FKBP6: variants seen among roughly 807,000 people sequenced by gnomAD.
FKBP6 encodes the protein FKBP prolyl isomerase family member 6 (inactive), also known as inactive peptidyl-prolyl cis-trans isomerase FKBP6.
In FKBP6, 29 loss-of-function variants were observed where a neutral mutation model predicts 41.7. The ratio of observed to expected loss-of-function variants is 0.70; its 90% CI spans 0.52 to 0.95. FKBP6 has a LOEUF of 0.95. Among genes scored for constraint, FKBP6 ranks in the 40% least tolerant of loss-of-function variants. The pLI is 0.00. For synonymous variants in FKBP6, 130 were observed against 165.1 expected (o/e 0.79, Z 1.63); for missense variants, 338 against 408.7 (o/e 0.83, Z 1.49).
At chr7:73,357,551 C>G (rs1279360684) in intron 8 of FKBP6, among the ~76,000 whole-genome samples, 1 of 148,316 alleles carries the variant, frequency 6.7e-6, no homozygotes, top group Non-Finnish European at 1.5e-5. Context: ...TGAGCCAATG[C>G]GCCTGGCACC....
intron 8 of FKBP6, among the ~76,000 whole-genome samples, chr7:73,355,524 T>C (rs1805605798): frequency 6.6e-6 from 1 of 152,170 alleles, no homozygotes; most frequent in Admixed American, 6.6e-5. Flanking sequence ...CTGGAGAATA[T>C]TGATTTTAGG....
chr7:73,348,304 C>T (rs567363351), intron 8 of FKBP6, among the ~76,000 whole-genome samples: 1 of 152,178 alleles, frequency 6.6e-6, no homozygotes, highest in African/African-American at 2.4e-5. Context: ...CCTTTCCCCC[C>T]CTTCTTTGAA....
intron 4 of FKBP6, 73 bp from the exon 5 acceptor site, chr7:73,331,584 G>C: frequency 6.5e-7 from 1 of 1,542,240 alleles, no homozygotes; most frequent in Non-Finnish European, 9.0e-7. Context: ...CTGGGCTCAC[G>C]TGTACTAACA....
At chr7:73,340,049 A>G (rs1554549173) in intron 5 of FKBP6, among the ~76,000 whole-genome samples, 1 of 152,124 alleles carries the variant, frequency 6.6e-6, no homozygotes, top group Non-Finnish European at 1.5e-5. Flanking sequence ...TGAACATGAG[A>G]TATTTTTCCA....
At chr7:73,330,459 G>T in intron 4 of FKBP6, 107 bp downstream of exon 4, 2 of 873,536 alleles carry the variant, frequency 2.3e-6, no homozygotes, top group Non-Finnish European at 3.8e-6. Context: ...TCCTCTCCAG[G>T]GTACCCCCGC....
rs1165536418 is a variant in FKBP6, at chr7:73,338,993, T to A, written c.589-1645T>A. 2.0e-5 allele frequency: 3 copies of A among 152,228 alleles called. No individual in the cohort carries two copies. In the East Asian group the frequency reaches 5.8e-4, roughly 29 times the overall value. 9.4% of individuals were successfully genotyped at this position (152,228 alleles called of 1,614,324 possible). The stretch of plus-strand genomic sequence containing the variant: ...TTTTGATGAAGTCTAATTCTTTGCT[T>A]ATTTGTGCTTTTGGTGTTATATCTA... On this transcript the variant is annotated intron_variant, in intron 5 of 8. Coordinates refer to ENST00000252037, the MANE Select transcript of FKBP6 (RefSeq NM_003602.5).
At chr7:73,338,095 G>A (rs1325269425) in intron 5 of FKBP6, among the ~76,000 whole-genome samples, 3 of 152,012 alleles carry the variant, frequency 2.0e-5, no homozygotes, top group South Asian at 2.1e-4. Context: ...GCACGATCTC[G>A]GCTCACTGCA....
intron 5 of FKBP6, among the ~76,000 whole-genome samples, chr7:73,333,722 A>G (rs185764283): frequency 6.6e-6 from 1 of 152,318 alleles, no homozygotes; most frequent in Admixed American, 6.5e-5. Context: ...GAGTATGTTG[A>G]TGTATGTCTA....
Position 73,354,054 on chromosome 7 carries a change from A to T in FKBP6, c.*3-4127A>T, listed in dbSNP as rs782782362. ...ATGGCACTTTGACCCTTCTTTGACC[A>T]TGTATCACAGCACAGTGGCAGCTGG... On this transcript the variant is annotated intron_variant, in intron 8 of 8. Transcript: ENST00000252037. Among the ~76,000 whole-genome samples the T allele has an allele frequency of 2.6e-5, 4 of 152,210 alleles. No homozygotes were observed. In the East Asian group the frequency reaches 7.7e-4, roughly 29 times the overall value.
chr7:73,336,987 G>T, intron 5 of FKBP6: 1 of 327,402 alleles, frequency 3.1e-6, no homozygotes, highest in South Asian at 2.4e-5. Context: ...TTTAAACCAA[G>T]GAATAACTGG....
At chr7:73,353,245 GC>G (rs1460177438) in intron 8 of FKBP6, among the ~76,000 whole-genome samples, 1 of 152,084 alleles carries the variant, frequency 6.6e-6, no homozygotes, top group Non-Finnish European at 1.5e-5. Context: ...TAATCGCCCA[GC>G]TCAAGATCCT....
chr7:73,335,840 C>T (rs1804990552), intron 5 of FKBP6, among the ~76,000 whole-genome samples: 1 of 152,118 alleles, frequency 6.6e-6, no homozygotes, highest in South Asian at 2.1e-4. Flanking sequence ...GGAGTACTAC[C>T]TGTCTTAGTC....
In FKBP6 at chr7:73,354,307, G is replaced by A. The variant is rs547366211; in HGVS notation, c.*3-3874G>A. 3.9e-5 allele frequency among the ~76,000 whole-genome samples: 6 copies of A among 152,330 alleles called. No homozygotes were observed. In the East Asian group the frequency reaches 1.2e-3, roughly 29 times the overall value. On this transcript the variant is annotated intron_variant, in intron 8 of 8. Transcript: ENST00000252037. ...GCAGAGGGACGTGGCCAAGGGAGGA[G>A]CAGAGAGCTGGGCTGGTGGAGCACG...
intron 5 of FKBP6, among the ~76,000 whole-genome samples, chr7:73,339,612 CTT>C (rs781918379): frequency 1.2e-4 from 15 of 129,032 alleles, no homozygotes; most frequent in African/African-American, 1.7e-4. Flanking sequence ...CCATGTGACT[CTT>C]TTTTTTTTTT....
At chr7:73,356,196 A>G (rs1554551916) in intron 8 of FKBP6, among the ~76,000 whole-genome samples, 1 of 152,078 alleles carries the variant, frequency 6.6e-6, no homozygotes, top group African/African-American at 2.4e-5. Flanking sequence ...AAAGAGAACT[A>G]CGTCGTTTTT....
chr7:73,350,257 T>C (rs1251292449), intron 8 of FKBP6, among the ~76,000 whole-genome samples: 1 of 152,200 alleles, frequency 6.6e-6, no homozygotes, highest in East Asian at 1.9e-4. Flanking sequence ...TAGTGCTTTA[T>C]CATGTCTGTA....
chr7:73,341,865 C>T (rs1805201902), intron 7 of FKBP6, among the ~76,000 whole-genome samples: 1 of 151,866 alleles, frequency 6.6e-6, no homozygotes, highest in Non-Finnish European at 1.5e-5. Flanking sequence ...AGGGTTTCAC[C>T]GTGTTGACCA....
chr7:73,345,483 T>C (rs953791539), intron 8 of FKBP6, among the ~76,000 whole-genome samples: 1 of 152,170 alleles, frequency 6.6e-6, no homozygotes, highest in African/African-American at 2.4e-5. Context: ...CTCTTCAGTT[T>C]GAAAGATCCT....
intron 5 of FKBP6, among the ~76,000 whole-genome samples, chr7:73,337,561 G>A (rs148714347): frequency 2.6e-5 from 4 of 151,924 alleles, no homozygotes; most frequent in Admixed American, 6.6e-5. Flanking sequence ...TGATCCGCCC[G>A]CCTCGGTCTC....
Sources: allele counts gnomAD v4.1 joint callset (sites outside exome capture counted in the v4.1 genomes callset), GRCh38; gene constraint gnomAD v4.1.1; transcripts MANE v1.5; gene names NCBI Gene and HGNC (gene_info 2026-07-23, HGNC 2026-07-21).